The following PCDH1 variants were observed in gnomAD, a reference collection of about 807,000 sequenced individuals.
PCDH1 encodes protocadherin-1.
PCDH1 carries 23 observed loss-of-function variants against 74.6 expected under a neutral mutation model. The ratio of observed to expected loss-of-function variants is 0.31; its 90% CI spans 0.22 to 0.44. The LOEUF (loss-of-function observed/expected upper bound fraction) is 0.44. PCDH1 is among the 20% of genes least tolerant of loss of function. PCDH1 has a pLI of 1.00. For synonymous variants in PCDH1, 647 were observed against 686.1 expected (o/e 0.94, Z 0.89); for missense variants, 1,214 against 1,641.4 (o/e 0.74, Z 4.50).
rs1753015545 is a variant in PCDH1, at chr5:141,869,300, T to C, written c.172A>G (p.Thr58Ala). The stretch of plus-strand genomic sequence containing the variant: ...TCCGGCACCTTGTACACTACCCGAG[T>C]GGCGTGGCCTGGGGATGGAGCCAGC... ...LLLAPSPGHA[T>A]RVVYKVPEEQ... is the part of the protein sequence containing the mutation. Residue 58 changes from threonine (T) to alanine (A), a missense_variant, in exon 2 of 5, where the codon ACT becomes GCT. Around this residue, in one of 4 missense-constraint regions of PCDH1, gnomAD observed 87 missense variants for 87.7 expected, o/e 0.99. Coordinates refer to ENST00000287008, the MANE Select transcript of PCDH1 (RefSeq NM_032420.5). The surrounding 1 kb of genome is among the most constrained non-coding windows in gnomAD (Gnocchi z 4.9). 6.2e-7 allele frequency: 1 copy of C among 1,603,052 alleles called. No individual in the cohort carries two copies. Among genetic ancestry groups the C allele is most frequent in the Non-Finnish European group, 8.5e-7 (1 of 1,175,276 alleles).
chr5:141,868,661 G>T lies in PCDH1; in HGVS notation c.811C>A (p.Leu271Ile). ...TTGGGGGCGTTGTCATTGGTGTCAAGCACGGTGACACGCAGCAGGGCACTG... is the reference window on the plus strand; with the variant it reads ...TTGGGGGCGTTGTCATTGGTGTCAATCACGGTGACACGCAGCAGGGCACTG... ...ASSALLRVTV[L>I]DTNDNAPKFE... The change falls in exon 2 of 5, where the codon CTT (leucine) becomes ATT (isoleucine). Residue 271 changes from leucine (L) to isoleucine (I), a missense_variant. Leu to Ile is a conservative substitution (Grantham distance 5, BLOSUM62 2). Coordinates refer to ENST00000287008, the MANE Select transcript of PCDH1 (RefSeq NM_032420.5). This position sits in a 1 kb window ranked among gnomAD's most constrained non-coding sequence, Gnocchi z 4.8. The T allele has an allele frequency of 6.2e-7, 1 of 1,609,964 alleles. No individual in the cohort carries two copies. Among genetic ancestry groups the T allele is most frequent in the East Asian group, 2.2e-5 (1 of 44,832 alleles).
Position 141,857,424 on chromosome 5 carries a change from C to T in PCDH1, c.3147G>A (p.Glu1049=). Residue 1049 remains glutamate (E), a synonymous_variant, in exon 4 of 5, where the codon GAG becomes GAA. Coordinates refer to ENST00000287008, the MANE Select transcript of PCDH1 (RefSeq NM_032420.5). Reference sequence around the variant, plus strand: ...AACTGTGCTGGGATGGGTCCTGCAGCTCCTGGGCCTGGCTGGTGGCCGAGA... The same window carrying T: ...AACTGTGCTGGGATGGGTCCTGCAGTTCCTGGGCCTGGCTGGTGGCCGAGA... ...VTFSATSQAQ[E]LQDPSQHSYY... 3.1e-6 allele frequency: 5 copies of T among 1,614,052 alleles called. No homozygotes were observed. The highest frequency in any genetic ancestry group is 3.4e-6 in the Non-Finnish European group (4 of 1,179,966).
rs1752381558 is a variant in PCDH1, at chr5:141,857,163, A to C, written c.3319+89T>G. 9.3e-6 allele frequency: 10 copies of C among 1,080,376 alleles called. No individual in the cohort carries two copies. The South Asian group carries it at 1.5e-4, about 16-fold the overall frequency. 66.9% of individuals were successfully genotyped at this position (1,080,376 alleles called of 1,614,324 possible). On this transcript the variant is annotated intron_variant, in intron 4 of 4. Transcript: ENST00000287008. Reference sequence around the variant, plus strand: ...ATGATGACTGAGCACATAATAACTCAATACATAGATGATTTGTTTAAGGCC... The same window carrying C: ...ATGATGACTGAGCACATAATAACTCCATACATAGATGATTTGTTTAAGGCC...
chr5:141,873,445 G>A (rs1753145308), intron 1 of PCDH1, among the ~76,000 whole-genome samples: 1 of 144,890 alleles, frequency 6.9e-6, no homozygotes, highest in South Asian at 2.2e-4. Flanking sequence ...GCCCGGTCCT[G>A]CAAACGTTTT....
chr5:141,864,757 A>G lies in PCDH1; in HGVS notation c.1574T>C (p.Ile525Thr). 1 of 1,614,100 alleles carries G rather than the reference A, an allele frequency of 6.2e-7. No homozygotes were observed. The highest frequency in any genetic ancestry group is 8.5e-7 in the Non-Finnish European group (1 of 1,180,006). Residue 525 changes from isoleucine (I) to threonine (T), a missense_variant, in exon 3 of 5, where the codon ATT (isoleucine) becomes ACT (threonine). Transcript: ENST00000287008. This position sits in a 1 kb window ranked among gnomAD's most constrained non-coding sequence, Gnocchi z 5.9. ...AGCATCACTGGCAGTGATCTCAGCAATCACTTCACCAGGCTTGTTGTTTTC... is the reference window on the plus strand; with the variant it reads ...AGCATCACTGGCAGTGATCTCAGCAGTCACTTCACCAGGCTTGTTGTTTTC... ...FPENNKPGEVIAEITASDADS... is the reference protein window; with the variant it reads ...FPENNKPGEVTAEITASDADS...
At position 141,864,022 on chromosome 5, in the gene PCDH1, T is replaced by C. The variant is rs749360583; in HGVS notation, c.2309A>G (p.His770Arg). The C allele has an allele frequency of 6.2e-7, 1 of 1,614,074 alleles. No homozygotes were observed. The highest frequency in any genetic ancestry group is 8.5e-7 in the Non-Finnish European group (1 of 1,180,016). The change falls in exon 3 of 5, where the codon CAT (histidine) becomes CGT (arginine). Residue 770 changes from histidine to arginine, a missense_variant. Transcript: ENST00000287008. This position sits in a 1 kb window ranked among gnomAD's most constrained non-coding sequence, Gnocchi z 5.9. ...CTTCTCCAGGGTGATGGCACCTGAA[T>C]GTGACCCAATCTGGAAGAGTCCATA... ...NPYGLFQIGSHSGAITLEKEI... is the reference protein window; with the variant it reads ...NPYGLFQIGSRSGAITLEKEI...
chr5:141,863,191 G>C lies in PCDH1; in HGVS notation c.3099+41C>G, dbSNP rs1278103234. ...CCAGATGGCTCCGTGGTAGGGGTGGGGTAGGGGCTGGGGTGTGCTGAGCTG... is the reference window on the plus strand; with the variant it reads ...CCAGATGGCTCCGTGGTAGGGGTGGCGTAGGGGCTGGGGTGTGCTGAGCTG... On this transcript the variant is annotated intron_variant, in intron 3 of 4. Coordinates refer to ENST00000287008, the MANE Select transcript of PCDH1 (RefSeq NM_032420.5). This position sits in a 1 kb window ranked among gnomAD's most constrained non-coding sequence, Gnocchi z 7.5. 6.6e-7 allele frequency: 1 copy of C among 1,525,198 alleles called. No individual in the cohort carries two copies. The highest frequency in any genetic ancestry group is 8.8e-7 in the Non-Finnish European group (1 of 1,135,828). The allele number at this position is 1,525,198 out of a possible 1,614,324, so 94.5% of individuals were successfully genotyped here.
intron 2 of PCDH1, among the ~76,000 whole-genome samples, chr5:141,866,785 G>A (rs1304995458): frequency 6.6e-6 from 1 of 152,174 alleles, no homozygotes; most frequent in Non-Finnish European, 1.5e-5. Context: ...CCGGCACAGG[G>A]AAAGTGCTCC....
In PCDH1 at chr5:141,864,038, A is replaced by G; in HGVS notation, c.2293T>C (p.Phe765Leu). 1.9e-6 allele frequency: 3 copies of G among 1,614,032 alleles called. No homozygotes were observed. Among genetic ancestry groups the G allele is most frequent in the Non-Finnish European group, 2.5e-6 (3 of 1,179,996 alleles). The change falls in exon 3 of 5, where the codon TTC (phenylalanine) becomes CTC (leucine). Residue 765 changes from phenylalanine to leucine, a missense_variant. Around this residue, in one of 4 missense-constraint regions of PCDH1, gnomAD observed 836 missense variants for 1,182.2 expected, o/e 0.71. Coordinates refer to ENST00000287008, the MANE Select transcript of PCDH1 (RefSeq NM_032420.5). The surrounding 1 kb of genome is among the most constrained non-coding windows in gnomAD (Gnocchi z 5.9). ...SIAGGNPYGL[F>L]QIGSHSGAIT... ...GCACCTGAATGTGACCCAATCTGGA[A>G]GAGTCCATAAGGGTTGCCACCTGCA...
Position 141,865,027 on chromosome 5 carries a change from G to A in PCDH1, c.1304C>T (p.Ala435Val). ...GENAAVTCVVAGDVPFQLRQA... is the reference protein window; with the variant it reads ...GENAAVTCVVVGDVPFQLRQA... ...GCGCAGCTGGAAGGGCACATCACCT[G>A]CCACCACACAGGTGACAGCTGCATT... The change falls in exon 3 of 5, where the codon GCA becomes GTA. Residue 435 changes from alanine (A) to valine (V), a missense_variant. Physicochemically the swap from Ala to Val is moderately conservative, Grantham distance 64 (BLOSUM62 0). Around this residue, in one of 4 missense-constraint regions of PCDH1, gnomAD observed 836 missense variants for 1,182.2 expected, o/e 0.71. Coordinates refer to ENST00000287008, the MANE Select transcript of PCDH1 (RefSeq NM_032420.5). This position sits in a 1 kb window ranked among gnomAD's most constrained non-coding sequence, Gnocchi z 4.4. The A allele has an allele frequency of 6.2e-7, 1 of 1,614,126 alleles. No individual in the cohort carries two copies. Among genetic ancestry groups the A allele is most frequent in the Non-Finnish European group, 8.5e-7 (1 of 1,180,012 alleles).
chr5:141,865,753 G>A lies in PCDH1; in HGVS notation c.904-326C>T, dbSNP rs1752797123. ...ATGGGTCCACAAAAATACCAGGAGA[G>A]GATGAGGATCCAATAGAACTAGGGA... On this transcript the variant is annotated intron_variant, in intron 2 of 4. Coordinates refer to ENST00000287008, the MANE Select transcript of PCDH1 (RefSeq NM_032420.5). The surrounding 1 kb of genome is among the most constrained non-coding windows in gnomAD (Gnocchi z 4.4). 6.6e-6 allele frequency among the ~76,000 whole-genome samples: 1 copy of A among 152,226 alleles called. No individual in the cohort carries two copies. Among genetic ancestry groups the A allele is most frequent in the African/African-American group, 2.4e-5 (1 of 41,460 alleles).
chr5:141,854,769 T>G (rs1752264701), intron 4 of PCDH1, among the ~76,000 whole-genome samples: 1 of 152,016 alleles, frequency 6.6e-6, no homozygotes, highest in African/African-American at 2.4e-5. Context: ...CCTCCCGGGT[T>G]CAAGCAATTC....
At chr5:141,867,380 A>T (rs543352679) in intron 2 of PCDH1, 31 of 331,630 alleles carry the variant, frequency 9.3e-5, no homozygotes, top group African/African-American at 6.6e-4. Context: ...GCAAAGGTGG[A>T]CTCTGAACTC....
intron 4 of PCDH1, among the ~76,000 whole-genome samples, chr5:141,856,654 C>T (rs1752351689): frequency 6.6e-6 from 1 of 151,862 alleles, no homozygotes; most frequent in Non-Finnish European, 1.5e-5. Flanking sequence ...TTGCCATCAC[C>T]CTCCAAATCC....
Position 141,864,627 on chromosome 5 carries a change from T to G in PCDH1, c.1704A>C (p.Thr568=), listed in dbSNP as rs1304677298. ...TCTCCCGCTGTTCCCGATCCAGAGA[T>G]GTCTTCACCTGGATCTCTCCAGTCT... The part of the protein sequence containing the change: ...SPETGEIQVK[T]SLDREQRESY... Residue 568 remains threonine (T), a synonymous_variant, in exon 3 of 5, where the codon ACA becomes ACC. Coordinates refer to ENST00000287008, the MANE Select transcript of PCDH1 (RefSeq NM_032420.5). This position sits in a 1 kb window ranked among gnomAD's most constrained non-coding sequence, Gnocchi z 5.9. 2 of 1,613,510 alleles carry G rather than the reference T, an allele frequency of 1.2e-6. No individual in the cohort carries two copies. The highest frequency in any genetic ancestry group is 8.5e-7 in the Non-Finnish European group (1 of 1,180,024).
At chr5:141,866,156 GGCCCCAGCCACC>G in intron 2 of PCDH1, 1 of 985,474 alleles carries the variant, frequency 1.0e-6, no homozygotes, top group African/African-American at 1.7e-5. Flanking sequence ...CTCCAGGCCG[GGCCCCAGCCACC>G]GCTCTGTCAA....
At position 141,869,528 on chromosome 5, in the gene PCDH1, G is replaced by A; in HGVS notation, c.41-97C>T. ...GGCCCCATACTCACCCTCTCCCACT[G>A]ACACACGATTCTCCACAAGAGCAGT... On this transcript the variant is annotated intron_variant, in intron 1 of 4. Transcript: ENST00000287008. The surrounding 1 kb of genome is among the most constrained non-coding windows in gnomAD (Gnocchi z 4.9). The A allele has an allele frequency of 1.9e-6, 3 of 1,546,528 alleles. No individual in the cohort carries two copies. Among genetic ancestry groups the A allele is most frequent in the Non-Finnish European group, 2.6e-6 (3 of 1,152,508 alleles).
intron 2 of PCDH1, chr5:141,867,563 C>G: frequency 2.2e-6 from 1 of 455,452 alleles, no homozygotes; most frequent in Non-Finnish European, 4.4e-6. Flanking sequence ...CCCCGACTGT[C>G]TGTCTCCCTT....
intron 3 of PCDH1, among the ~76,000 whole-genome samples, chr5:141,859,266 C>T (rs1752478204): frequency 6.6e-6 from 1 of 152,136 alleles, no homozygotes; most frequent in Admixed American, 6.5e-5. Flanking sequence ...GTCCCACCTC[C>T]CTGCAGAACC....
Sources: gnomAD v4.1 joint callset for allele counts (sites outside exome capture counted in the v4.1 genomes callset) on GRCh38, gnomAD v4.1.1 for gene constraint, gnomAD v4.1.1 regional missense constraint, Gnocchi (gnomAD v3.1) non-coding constraint, MANE v1.5 for transcripts, NCBI Gene and HGNC (gene_info 2026-07-23, HGNC 2026-07-21) for gene names.